Variants in PREX2 observed in about 807,000 individuals in gnomAD.
The protein encoded by PREX2 is phosphatidylinositol-3,4,5-trisphosphate dependent Rac exchange factor 2, also known as phosphatidylinositol 3,4,5-trisphosphate-dependent Rac exchanger 2 protein.
A neutral mutation model predicts 203.2 loss-of-function variants in PREX2; 107 were observed. The observed-to-expected ratio is 0.53, with a 90% CI of 0.45 to 0.62. The LOEUF is 0.62. Among genes scored for constraint, PREX2 ranks in the 20% least tolerant of loss-of-function variants. The pLI is 0.00. For synonymous variants in PREX2, 672 were observed against 663.6 expected (o/e 1.01, Z -0.19); for missense variants, 1,777 against 1,955.9 (o/e 0.91, Z 1.72).
In PREX2 at chr8:68,235,378, G is replaced by T. The variant is rs1175848546; in HGVS notation, c.*4000G>T. The T allele has an allele frequency of 6.6e-6, 1 of 152,078 alleles. No homozygotes were observed. Among genetic ancestry groups the T allele is most frequent in the Non-Finnish European group, 1.5e-5 (1 of 67,988 alleles). 9.4% of individuals were successfully genotyped at this position (152,078 alleles called of 1,614,324 possible). A position where few individuals can be genotyped will look rare whatever the true frequency, so the allele number is the denominator to read the frequency against. ...TTGGAAACTATGTTTAATTTTTAAAGACATTGTTATGTGAATTATCTTACT... is the reference window on the plus strand; with the variant it reads ...TTGGAAACTATGTTTAATTTTTAAATACATTGTTATGTGAATTATCTTACT... On this transcript the variant is annotated 3_prime_UTR_variant, in exon 40 of 40. Transcript: ENST00000288368.
intron 35 of PREX2, among the ~76,000 whole-genome samples, chr8:68,170,661 G>A (rs1811859131): frequency 6.6e-6 from 1 of 152,212 alleles, no homozygotes; most frequent in South Asian, 2.1e-4. Context: ...AGCATGTAAA[G>A]TGTTTAACTC....
chr8:68,229,959 C>A (rs961227343), intron 39 of PREX2, among the ~76,000 whole-genome samples: 2 of 152,176 alleles, frequency 1.3e-5, no homozygotes, highest in African/African-American at 4.8e-5. Flanking sequence ...TGAATGTATT[C>A]TTTTCTCTGG....
chr8:67,999,013 T>C (rs1806852370), intron 1 of PREX2, among the ~76,000 whole-genome samples: 1 of 152,214 alleles, frequency 6.6e-6, no homozygotes, highest in South Asian at 2.1e-4. Flanking sequence ...CTTGTTCTGC[T>C]TGTTAGAGTG....
chr8:68,036,607 T>C (rs895975481), intron 6 of PREX2, among the ~76,000 whole-genome samples: 2 of 152,148 alleles, frequency 1.3e-5, no homozygotes, highest in African/African-American at 2.4e-5. Flanking sequence ...ATTTTTTTTT[T>C]CTCCAAATCT....
At chr8:68,213,714 T>C (rs925824727) in intron 37 of PREX2, among the ~76,000 whole-genome samples, 1 of 152,308 alleles carries the variant, frequency 6.6e-6, no homozygotes, top group African/African-American at 2.4e-5. Flanking sequence ...CACAGATATA[T>C]TGACCTTTTC....
At chr8:68,065,334 A>T (rs2129611459) in intron 11 of PREX2, among the ~76,000 whole-genome samples, 1 of 152,326 alleles carries the variant, frequency 6.6e-6, no homozygotes, top group African/African-American at 2.4e-5. Context: ...ATTGCATAGG[A>T]GAAAAAAATT....
At chr8:68,100,924 A>G (rs993103361) in intron 23 of PREX2, among the ~76,000 whole-genome samples, 1 of 152,158 alleles carries the variant, frequency 6.6e-6, no homozygotes, top group African/African-American at 2.4e-5. Flanking sequence ...GGCTTGGACT[A>G]CATTGAAGAT....
At position 68,167,872 on chromosome 8, in the gene PREX2, T is replaced by C. The variant is rs1811794926; in HGVS notation, c.4346+10436T>C. ...CACCCCAAATTGGAAACAAATCCCCTAAAGTGGTTCTTAAAATATGATCCC... is the reference window on the plus strand; with the variant it reads ...CACCCCAAATTGGAAACAAATCCCCCAAAGTGGTTCTTAAAATATGATCCC... On this transcript the variant is annotated intron_variant, in intron 35 of 39. Transcript: ENST00000288368. Among the ~76,000 whole-genome samples the C allele has an allele frequency of 2.0e-5, 3 of 152,200 alleles. No individual in the cohort carries two copies. In the South Asian group the frequency reaches 6.2e-4, roughly 31 times the overall value.
intron 35 of PREX2, among the ~76,000 whole-genome samples, chr8:68,190,454 G>A (rs1262477611): frequency 1.3e-5 from 2 of 152,292 alleles, no homozygotes; most frequent in Admixed American, 1.3e-4. Flanking sequence ...GATGGAGCTG[G>A]AGGCATTATC....
intron 35 of PREX2, among the ~76,000 whole-genome samples, chr8:68,185,130 C>A (rs958291703): frequency 2.6e-5 from 4 of 152,116 alleles, no homozygotes; most frequent in Admixed American, 1.3e-4. Context: ...TCTCTCGCAG[C>A]ATTCAGTTCT....
chr8:68,075,963 C>T (rs938971307), intron 14 of PREX2, among the ~76,000 whole-genome samples: 2 of 152,042 alleles, frequency 1.3e-5, no homozygotes, highest in African/African-American at 2.4e-5. Flanking sequence ...AGGAGAAGAA[C>T]GAGCACAGAC....
intron 33 of PREX2, among the ~76,000 whole-genome samples, chr8:68,140,123 A>G (rs1331187511): frequency 6.6e-6 from 1 of 152,196 alleles, no homozygotes; most frequent in Non-Finnish European, 1.5e-5. Context: ...TTGATAAAAT[A>G]CTTCCTTACT....
intron 7 of PREX2, among the ~76,000 whole-genome samples, chr8:68,041,320 G>GC (rs1260493691): frequency 1.3e-5 from 2 of 152,094 alleles, no homozygotes; most frequent in African/African-American, 4.8e-5. Flanking sequence ...CTTATAATGA[G>GC]TCTTCTTAAA....
intron 30 of PREX2, among the ~76,000 whole-genome samples, chr8:68,121,587 C>T (rs983025102): frequency 1.1e-4 from 16 of 152,126 alleles, no homozygotes; most frequent in African/African-American, 2.7e-4. Context: ...GACTTTGAGA[C>T]GACTTCATTG....
intron 2 of PREX2, 42 bp downstream of exon 2, chr8:68,017,959 C>T (rs758443888): frequency 1.3e-6 from 2 of 1,527,166 alleles, no homozygotes; most frequent in South Asian, 2.3e-5. Flanking sequence ...CATGAGTTTC[C>T]TATAGATAAA....
Position 68,035,119 on chromosome 8 carries a change from T to C in PREX2, c.706-3040T>C, listed in dbSNP as rs137998800. Among the ~76,000 whole-genome samples the C allele has an allele frequency of 7.5e-3, 1,145 of 152,254 alleles. 17 individuals carry two copies. Among genetic ancestry groups the C allele is most frequent in the African/African-American group, 0.026 (1,095 of 41,570 alleles). On this transcript the variant is annotated intron_variant, in intron 6 of 39. Coordinates refer to ENST00000288368, the MANE Select transcript of PREX2 (RefSeq NM_024870.4). The stretch of plus-strand genomic sequence containing the variant: ...ATAATTTTAGTTAATAGTTTTAACC[T>C]CAAAAAGAGCAAATCAAATCCTGAG...
intron 1 of PREX2, among the ~76,000 whole-genome samples, chr8:67,958,185 ATAT>A (rs1377231898): frequency 6.6e-6 from 1 of 152,214 alleles, no homozygotes; most frequent in Non-Finnish European, 1.5e-5. Context: ...AACGCAGCTT[ATAT>A]TAGGTGCTGG....
In PREX2 at chr8:68,053,347, G is replaced by A. The variant is rs1808580088; in HGVS notation, c.1093+101G>A. 2.4e-6 allele frequency: 3 copies of A among 1,240,132 alleles called. No homozygotes were observed. In the East Asian group the frequency reaches 7.1e-5, roughly 29 times the overall value. 76.8% of individuals were successfully genotyped at this position (1,240,132 alleles called of 1,614,324 possible). A position where few individuals can be genotyped will look rare whatever the true frequency, so the allele number is the denominator to read the frequency against. ...TGAGAAAATGGAAAGGTATATGATG[G>A]TCACTTGATTTATTAGGTTGGTGCA... On this transcript the variant is annotated intron_variant, in intron 9 of 39. Transcript: ENST00000288368.
chr8:68,091,646 T>C (rs1434763), intron 20 of PREX2, among the ~76,000 whole-genome samples: 67,343 of 152,036 alleles, frequency 0.44, 15,420 homozygotes, highest in African/African-American at 0.56. Context: ...GGAAGTTATA[T>C]ATAGGCTCAT....
Sources: allele counts gnomAD v4.1 joint callset (sites outside exome capture counted in the v4.1 genomes callset), GRCh38; gene constraint gnomAD v4.1.1; transcripts MANE v1.5; gene names NCBI Gene and HGNC (gene_info 2026-07-23, HGNC 2026-07-21).